Variants in CLOCK observed in about 807,000 individuals in gnomAD.
The protein encoded by CLOCK is circadian locomoter output cycles protein kaput.
In CLOCK, 43 loss-of-function variants were observed where a neutral mutation model predicts 118.4. The ratio of observed to expected loss-of-function variants is 0.36; its 90% CI spans 0.28 to 0.47. The LOEUF (loss-of-function observed/expected upper bound fraction) is 0.47. Ranked by LOEUF, CLOCK falls within the 20% of genes least tolerant of loss-of-function variation. The pLI is 1.00. For synonymous variants in CLOCK, 326 were observed against 339.2 expected (o/e 0.96, Z 0.43); for missense variants, 846 against 999.9 (o/e 0.85, Z 2.08).
intron 9 of CLOCK, among the ~76,000 whole-genome samples, chr4:55,460,928 C>CT (rs11441195): frequency 0.061 from 8,827 of 145,582 alleles, 855 homozygotes; most frequent in African/African-American, 0.21. Flanking sequence ...CTTTCCTCTC[C>CT]TTTTTTTTTT....
At chr4:55,538,137 T>G (rs1210233736) in intron 1 of CLOCK, among the ~76,000 whole-genome samples, 1 of 152,242 alleles carries the variant, frequency 6.6e-6, no homozygotes, top group Non-Finnish European at 1.5e-5. Context: ...CTCATTACAC[T>G]TTCTACAGAT....
At chr4:55,493,014 T>C (rs559278608) in intron 2 of CLOCK, among the ~76,000 whole-genome samples, 1 of 152,330 alleles carries the variant, frequency 6.6e-6, no homozygotes, top group South Asian at 2.1e-4. Flanking sequence ...CTTTCTTTAG[T>C]ACTTTCTAAA....
At chr4:55,492,418 G>A (rs182141221) in intron 2 of CLOCK, among the ~76,000 whole-genome samples, 1 of 150,174 alleles carries the variant, frequency 6.7e-6, no homozygotes, top group Admixed American at 6.6e-5. Context: ...CCAAGAAAAG[G>A]AGGAATTTCT....
intron 15 of CLOCK, chr4:55,452,797 C>T (rs896346605): frequency 3.4e-6 from 1 of 295,946 alleles, no homozygotes; most frequent in Non-Finnish European, 6.3e-6. Context: ...ATATAAATAA[C>T]CTAGCCAGAG....
intron 4 of CLOCK, among the ~76,000 whole-genome samples, chr4:55,481,996 A>T (rs1726966306): frequency 6.6e-6 from 1 of 152,222 alleles, no homozygotes; most frequent in Admixed American, 6.5e-5. Context: ...TAAGATCACC[A>T]CTATTTTATG....
At chr4:55,437,835 ATTAAT>A in intron 22 of CLOCK, among the ~76,000 whole-genome samples, 1 of 152,330 alleles carries the variant, frequency 6.6e-6, no homozygotes, top group South Asian at 2.1e-4. Context: ...CTCCTCTGAT[ATTAAT>A]TTACAACTGA....
At position 55,478,968 on chromosome 4, in the gene CLOCK, T is replaced by A; in HGVS notation, c.108-5A>T. On this transcript the variant is annotated splice_region_variant and splice_polypyrimidine_tract_variant and intron_variant, in intron 5 of 22. Transcript: ENST00000513440. ...TCAGATTTGTTTCTAGATACTCTGA[T>A]GAAATGAAAAATATGCATTTTTTAA... 6 of 1,579,766 alleles carry A rather than the reference T, an allele frequency of 3.8e-6. No homozygotes were observed. Among genetic ancestry groups the A allele is most frequent in the African/African-American group, 1.3e-5 (1 of 74,406 alleles).
chr4:55,523,115 G>GC (rs1729948305), intron 1 of CLOCK, among the ~76,000 whole-genome samples: 2 of 149,720 alleles, frequency 1.3e-5, no homozygotes, highest in Admixed American at 1.3e-4. Context: ...CTAACACGGT[G>GC]AAACCCCGTC....
intron 2 of CLOCK, among the ~76,000 whole-genome samples, chr4:55,496,199 G>C (rs985362763): frequency 6.6e-5 from 10 of 150,996 alleles, no homozygotes; most frequent in Admixed American, 5.9e-4. Flanking sequence ...AAAAAAAAAA[G>C]AAACAATCAA....
At chr4:55,485,167 A>G (rs934348643) in intron 3 of CLOCK, among the ~76,000 whole-genome samples, 1 of 151,888 alleles carries the variant, frequency 6.6e-6, no homozygotes, top group African/African-American at 2.4e-5. Context: ...GTTTCACCAT[A>G]TTGGTCAGGC....
intron 1 of CLOCK, among the ~76,000 whole-genome samples, chr4:55,523,416 C>T (rs534683541): frequency 6.6e-6 from 1 of 152,310 alleles, no homozygotes; most frequent in South Asian, 2.1e-4. Flanking sequence ...TCACTATTTA[C>T]ACCTTCTTGG....
chr4:55,465,235 T>C (rs977387734), intron 8 of CLOCK, among the ~76,000 whole-genome samples: 1 of 133,156 alleles, frequency 7.5e-6, no homozygotes, highest in African/African-American at 2.5e-5. Context: ...TTAGTTATTA[T>C]AAATAATCTA....
intron 1 of CLOCK, among the ~76,000 whole-genome samples, chr4:55,536,248 C>T (rs1730884434): frequency 6.6e-6 from 1 of 152,062 alleles, no homozygotes; most frequent in African/African-American, 2.4e-5. Context: ...TCTGAAAAAA[C>T]AAGGAAAAAT....
chr4:55,493,841 C>T (rs947441974), intron 2 of CLOCK, among the ~76,000 whole-genome samples: 4 of 152,204 alleles, frequency 2.6e-5, no homozygotes, highest in Admixed American at 2.6e-4. Context: ...CCTCTTAAAA[C>T]CAGAGAGGAT....
chr4:55,508,594 A>AT (rs11133393), intron 2 of CLOCK, among the ~76,000 whole-genome samples: 46,058 of 146,620 alleles, frequency 0.31, 7,517 homozygotes, highest in East Asian at 0.54. Flanking sequence ...ACACGGGTAA[A>AT]TTTTTTTTTT....
chr4:55,459,358 CA>C, intron 9 of CLOCK, 97 bp from the exon 10 acceptor site: 1 of 791,262 alleles, frequency 1.3e-6, no homozygotes, highest in Non-Finnish European at 2.2e-6. Context: ...TGTAAGTTTA[CA>C]ACCATTATTT....
chr4:55,433,141 GAGA>G lies in CLOCK; in HGVS notation c.*2271_*2273del, dbSNP rs983361635. On this transcript the variant is annotated 3_prime_UTR_variant, in exon 23 of 23. Transcript: ENST00000513440. ...GGTCAAGAAAGGCAATTTGAAAGGG[GAGA>G]AGAACAATGCTATTGCCATATTCCA... 1.3e-5 allele frequency: 2 copies of G among 152,656 alleles called. No individual in the cohort carries two copies. Among genetic ancestry groups the G allele is most frequent in the African/African-American group, 4.8e-5 (2 of 41,448 alleles). The allele number at this position is 152,656 out of a possible 1,614,324, so 9.5% of individuals were successfully genotyped here.
intron 1 of CLOCK, among the ~76,000 whole-genome samples, chr4:55,521,677 C>A (rs764789151): frequency 6.6e-6 from 1 of 152,244 alleles, no homozygotes; most frequent in Non-Finnish European, 1.5e-5. Context: ...GGGCCTCAGA[C>A]TCAGACATAC....
intron 1 of CLOCK, among the ~76,000 whole-genome samples, chr4:55,542,496 G>C (rs1343458901): frequency 6.7e-6 from 1 of 150,092 alleles, no homozygotes; most frequent in East Asian, 1.9e-4. Flanking sequence ...ATAGTAAATA[G>C]TCTTGATCAA....
Sources: allele counts gnomAD v4.1 joint callset (sites outside exome capture counted in the v4.1 genomes callset), GRCh38; gene constraint gnomAD v4.1.1; transcripts MANE v1.5; gene names NCBI Gene and HGNC (gene_info 2026-07-23, HGNC 2026-07-21).